KCNMA1: variants seen among roughly 807,000 people sequenced by gnomAD.
KCNMA1 encodes potassium calcium-activated channel subfamily M alpha 1, also known as Calcium-activated potassium channel subunit alpha-1.
KCNMA1 carries 29 observed loss-of-function variants against 140.0 expected under a neutral mutation model. The observed-to-expected ratio is 0.21, with a 90% CI of 0.15 to 0.28. The LOEUF (loss-of-function observed/expected upper bound fraction) is 0.28. Ranked by LOEUF, KCNMA1 falls within the 10% of genes least tolerant of loss-of-function variation. The probability of loss-of-function intolerance (pLI) is 1.00; values close to 1 mark genes in which losing one functional copy is unlikely to be tolerated. For synonymous variants in KCNMA1, 612 were observed against 611.9 expected, an observed-to-expected ratio of 1.00 and a Z score of 0.00; for missense variants, 880 against 1,602.2, an observed-to-expected ratio of 0.55 and a Z score of 7.70.
intron 5 of KCNMA1, among the ~76,000 whole-genome samples, chr10:77,157,960 G>T (rs2098507626): frequency 6.6e-6 from 1 of 152,200 alleles, no homozygotes; most frequent in Non-Finnish European, 1.5e-5. Context: ...GCCCCCATGG[G>T]TTGGGGGCAG....
intron 1 of KCNMA1, among the ~76,000 whole-genome samples, chr10:77,488,750 G>T (rs114358541): frequency 0.013 from 1,967 of 152,264 alleles, 50 homozygotes; most frequent in African/African-American, 0.045. Context: ...AGCCAGGGCA[G>T]CCATGTTCTC....
At chr10:77,326,188 G>A (rs1319654696) in intron 2 of KCNMA1, among the ~76,000 whole-genome samples, 1 of 152,118 alleles carries the variant, frequency 6.6e-6, no homozygotes, top group Admixed American at 6.5e-5. Flanking sequence ...AAATCCTTCA[G>A]ATTGCTCCTG....
chr10:77,045,524 T>C (rs1404993279), intron 14 of KCNMA1, among the ~76,000 whole-genome samples: 1 of 152,174 alleles, frequency 6.6e-6, no homozygotes, highest in Non-Finnish European at 1.5e-5. Flanking sequence ...TAATTTTTCA[T>C]CCAGTCTAGT....
At chr10:77,309,252 C>T (rs573251117) in intron 2 of KCNMA1, among the ~76,000 whole-genome samples, 3 of 152,330 alleles carry the variant, frequency 2.0e-5, no homozygotes, top group African/African-American at 4.8e-5. Context: ...CATGTACACA[C>T]GAGCCCACAA....
intron 2 of KCNMA1, among the ~76,000 whole-genome samples, chr10:77,251,500 G>A (rs1263626751): frequency 6.6e-6 from 1 of 152,126 alleles, no homozygotes; most frequent in East Asian, 1.9e-4. Context: ...TCAGGGCACT[G>A]GGTTTTTATC....
chr10:76,996,810 G>A lies in KCNMA1; in HGVS notation c.2266+4597C>T, dbSNP rs550370765. ...GGAAAGAGGGGAGTAATTGATTTTAGGGCCCAGAAGTAAAATAAGCAAATA... is the reference window on the plus strand; with the variant it reads ...GGAAAGAGGGGAGTAATTGATTTTAAGGCCCAGAAGTAAAATAAGCAAATA... On this transcript the variant is annotated intron_variant, in intron 19 of 27. Coordinates refer to ENST00000286628, the MANE Select transcript of KCNMA1 (RefSeq NM_001161352.2). Among the ~76,000 whole-genome samples, 4 of 152,224 alleles carry A rather than the reference G, an allele frequency of 2.6e-5. No individual in the cohort carries two copies. In the South Asian group the frequency reaches 8.3e-4, roughly 32 times the overall value.
chr10:77,608,420 C>T (rs887529523), intron 1 of KCNMA1, among the ~76,000 whole-genome samples: 1 of 152,118 alleles, frequency 6.6e-6, no homozygotes, highest in Non-Finnish European at 1.5e-5. Flanking sequence ...GCGATCCACC[C>T]GCCTTGACCT....
intron 3 of KCNMA1, among the ~76,000 whole-genome samples, chr10:77,239,512 TC>T (rs1317479863): frequency 1.3e-5 from 2 of 152,316 alleles, no homozygotes; most frequent in South Asian, 2.1e-4. Flanking sequence ...GATTCCACCA[TC>T]AGAGGTCCTG....
intron 20 of KCNMA1, among the ~76,000 whole-genome samples, chr10:76,960,470 T>C (rs1362506529): frequency 2.7e-5 from 4 of 150,748 alleles, no homozygotes; most frequent in Non-Finnish European, 5.9e-5. Flanking sequence ...ACCCAGGAGG[T>C]TGAGGCTGCC....
chr10:77,305,858 G>A (rs1299024680), intron 2 of KCNMA1, among the ~76,000 whole-genome samples: 1 of 152,112 alleles, frequency 6.6e-6, no homozygotes, highest in East Asian at 1.9e-4. Flanking sequence ...ACTCTAAATG[G>A]GTGATTACAA....
chr10:77,062,243 G>T (rs1001358871), intron 14 of KCNMA1, among the ~76,000 whole-genome samples: 2 of 152,138 alleles, frequency 1.3e-5, no homozygotes, highest in Non-Finnish European at 2.9e-5. Flanking sequence ...TAACCTTGAG[G>T]ACTTATCAAT....
At chr10:77,028,387 T>C (rs573122576) in intron 15 of KCNMA1, among the ~76,000 whole-genome samples, 1 of 152,264 alleles carries the variant, frequency 6.6e-6, no homozygotes, top group South Asian at 2.1e-4. Context: ...CACATGACGA[T>C]GGCATTGTCA....
intron 3 of KCNMA1, among the ~76,000 whole-genome samples, chr10:77,246,700 G>A (rs997749228): frequency 5.3e-5 from 8 of 152,184 alleles, no homozygotes; most frequent in African/African-American, 1.7e-4. Flanking sequence ...TATCACATTT[G>A]AAGATGTTAC....
Position 76,885,203 on chromosome 10 carries a change from AGT to A in KCNMA1, c.*2061_*2062del. The A allele has an allele frequency of 1.5e-6, 1 of 679,592 alleles. No individual in the cohort carries two copies. Among genetic ancestry groups the A allele is most frequent in the Non-Finnish European group, 1.9e-6 (1 of 539,420 alleles). The allele number at this position is 679,592 out of a possible 1,614,324, so 42.1% of individuals were successfully genotyped here. A position where few individuals can be genotyped will look rare whatever the true frequency, so the allele number is the denominator to read the frequency against. ...CCAATACTAGGGGATACATATATAT[AGT>A]TATATATATAGTTATATATATATAA... On this transcript the variant is annotated 3_prime_UTR_variant, in exon 28 of 28. Coordinates refer to ENST00000286628, the MANE Select transcript of KCNMA1 (RefSeq NM_001161352.2).
intron 1 of KCNMA1, among the ~76,000 whole-genome samples, chr10:77,525,408 G>GT (rs945113876): frequency 6.6e-6 from 1 of 152,156 alleles, no homozygotes; most frequent in African/African-American, 2.4e-5. Flanking sequence ...AAAGTGCAGG[G>GT]TTGGAGACTC....
rs140396467 is a variant in KCNMA1, at chr10:77,332,430, C to A, written c.540+71432G>T. Among the ~76,000 whole-genome samples the A allele has an allele frequency of 4.6e-5, 7 of 152,288 alleles. No homozygotes were observed. The East Asian group carries it at 1.4e-3, about 29-fold the overall frequency. ...TGAAGCAGCCTCCAGCTGCTGCCAC[C>A]TTCTGCCAGCAGTGTTAGTTCCATG... On this transcript the variant is annotated intron_variant, in intron 2 of 27. Coordinates refer to ENST00000286628, the MANE Select transcript of KCNMA1 (RefSeq NM_001161352.2).
intron 5 of KCNMA1, among the ~76,000 whole-genome samples, chr10:77,146,664 T>C (rs1452046637): frequency 2.5e-5 from 3 of 120,914 alleles, no homozygotes; most frequent in African/African-American, 9.6e-5. Context: ...ATGGTGCCAC[T>C]ACACTCCAGC....
chr10:77,187,824 C>T (rs1383747819), intron 3 of KCNMA1, among the ~76,000 whole-genome samples: 2 of 152,094 alleles, frequency 1.3e-5, no homozygotes, highest in Non-Finnish European at 2.9e-5. Context: ...ATCAGATCCC[C>T]TCTGAGATAA....
chr10:77,171,826 G>A (rs2098711116), intron 5 of KCNMA1, among the ~76,000 whole-genome samples: 1 of 152,152 alleles, frequency 6.6e-6, no homozygotes, highest in South Asian at 2.1e-4. Flanking sequence ...TCCTGCTCTA[G>A]GAGAAACATG....
Sources: allele counts gnomAD v4.1 joint callset (sites outside exome capture counted in the v4.1 genomes callset), GRCh38; gene constraint gnomAD v4.1.1; transcripts MANE v1.5; gene names NCBI Gene and HGNC (gene_info 2026-07-23, HGNC 2026-07-21).